Variants in DLG1 observed in about 807,000 individuals in gnomAD.
DLG1 encodes discs large MAGUK scaffold protein 1.
In DLG1, 42 loss-of-function variants were observed where a neutral mutation model predicts 123.4. The observed-to-expected ratio is 0.34, with a 90% CI of 0.27 to 0.44. The LOEUF (loss-of-function observed/expected upper bound fraction) is 0.44. Ranked by LOEUF, DLG1 falls within the 20% of genes least tolerant of loss-of-function variation. The pLI, the probability that DLG1 is intolerant of heterozygous loss-of-function variation, is 1.00. For synonymous variants in DLG1, 317 were observed against 356.2 expected (o/e 0.89, Z 1.24); for missense variants, 942 against 1,082.6 (o/e 0.87, Z 1.82).
intron 4 of DLG1, among the ~76,000 whole-genome samples, chr3:197,240,128 T>C (rs1163211767): frequency 6.6e-6 from 1 of 152,212 alleles, no homozygotes; most frequent in African/African-American, 2.4e-5. Flanking sequence ...GAGGCAAGAC[T>C]ACCATCTCCA....
intron 4 of DLG1, among the ~76,000 whole-genome samples, chr3:197,245,296 A>T (rs1420768712): frequency 5.3e-5 from 8 of 152,156 alleles, no homozygotes; most frequent in African/African-American, 1.9e-4. Context: ...TGAGTGTCTT[A>T]ACTACATTGT....
chr3:197,140,873 C>T (rs1031245122), intron 7 of DLG1, among the ~76,000 whole-genome samples: 1 of 152,176 alleles, frequency 6.6e-6, no homozygotes. Context: ...AAAGACCAAC[C>T]TGAGAACTTA....
chr3:197,295,866 C>T (rs1469285230), intron 3 of DLG1, among the ~76,000 whole-genome samples: 5 of 152,122 alleles, frequency 3.3e-5, no homozygotes, highest in African/African-American at 2.4e-5. Flanking sequence ...CTGTAAAATA[C>T]GGTTACTAGA....
At chr3:197,152,454 G>C (rs1577143277) in intron 5 of DLG1, among the ~76,000 whole-genome samples, 1 of 92,820 alleles carries the variant, frequency 1.1e-5, no homozygotes, top group Non-Finnish European at 1.9e-5. Flanking sequence ...ATGGAGTCTT[G>C]CTCTGTCACC....
chr3:197,297,315 C>T, intron 1 of DLG1, 80 bp from the exon 2 acceptor site: 1 of 1,555,738 alleles, frequency 6.4e-7, no homozygotes, highest in South Asian at 1.2e-5. Flanking sequence ...AGAAAACCCT[C>T]GCAGCCTATT....
At chr3:197,154,991 T>C (rs1290571506) in intron 5 of DLG1, among the ~76,000 whole-genome samples, 1 of 152,046 alleles carries the variant, frequency 6.6e-6, no homozygotes, top group Non-Finnish European at 1.5e-5. Context: ...GCATGAGAAA[T>C]GACAGATAAA....
chr3:197,220,502 G>T (rs74752290), intron 4 of DLG1, among the ~76,000 whole-genome samples: 5,589 of 152,148 alleles, frequency 0.037, 162 homozygotes, highest in Non-Finnish European at 0.05. Flanking sequence ...GTTCTAAATG[G>T]ATATAGGAGA....
At chr3:197,292,267 G>C (rs1322455383) in intron 3 of DLG1, among the ~76,000 whole-genome samples, 2 of 152,144 alleles carry the variant, frequency 1.3e-5, no homozygotes, top group Admixed American at 6.5e-5. Context: ...TACATACAAC[G>C]GAATATTATT....
chr3:197,235,294 A>C (rs1173739489), intron 4 of DLG1, among the ~76,000 whole-genome samples: 2 of 152,226 alleles, frequency 1.3e-5, no homozygotes, highest in Non-Finnish European at 2.9e-5. Context: ...TGCAAGGCAG[A>C]ATACTGGAAA....
At chr3:197,079,446 C>T (rs1259701745) in intron 17 of DLG1, among the ~76,000 whole-genome samples, 1 of 152,178 alleles carries the variant, frequency 6.6e-6, no homozygotes, top group Non-Finnish European at 1.5e-5. Flanking sequence ...TCACCCCACT[C>T]AGTATCATGC....
chr3:197,248,940 C>T (rs1253649085), intron 4 of DLG1, among the ~76,000 whole-genome samples: 1 of 152,108 alleles, frequency 6.6e-6, no homozygotes, highest in East Asian at 1.9e-4. Context: ...TATGATCACT[C>T]CACTGCACTC....
At chr3:197,293,755 C>T (rs1289294009) in intron 3 of DLG1, 1 of 153,892 alleles carries the variant, frequency 6.5e-6, no homozygotes, top group Non-Finnish European at 1.5e-5. Flanking sequence ...CTAGATAACT[C>T]ACTGCGGCCT....
At chr3:197,138,053 T>C (rs957385324) in intron 9 of DLG1, among the ~76,000 whole-genome samples, 169 bp downstream of exon 9, 3 of 151,670 alleles carry the variant, frequency 2.0e-5, no homozygotes, top group Non-Finnish European at 4.4e-5. Flanking sequence ...TATTCTAAAA[T>C]GCTACGTAAG....
At chr3:197,103,458 T>C (rs1764634680) in intron 14 of DLG1, among the ~76,000 whole-genome samples, 1 of 151,974 alleles carries the variant, frequency 6.6e-6, no homozygotes, top group Non-Finnish European at 1.5e-5. Context: ...ACCTACGGGG[T>C]GGAATATGTT....
At chr3:197,068,878 T>C (rs537581490) in intron 19 of DLG1, among the ~76,000 whole-genome samples, 25 of 152,288 alleles carry the variant, frequency 1.6e-4, no homozygotes, top group Admixed American at 7.2e-4. Flanking sequence ...AAAAATATTA[T>C]TTTAGTGCTC....
At chr3:197,199,176 T>G (rs1724278023) in intron 4 of DLG1, among the ~76,000 whole-genome samples, 4 of 152,182 alleles carry the variant, frequency 2.6e-5, no homozygotes, top group Admixed American at 1.3e-4. Context: ...CCAATGGGAA[T>G]CTCTTAAAGT....
intron 16 of DLG1, among the ~76,000 whole-genome samples, chr3:197,083,669 T>C (rs2149088789): frequency 6.6e-6 from 1 of 152,210 alleles, no homozygotes; most frequent in Non-Finnish European, 1.5e-5. Context: ...CTAAAATGAA[T>C]CATTAGGGCT....
At chr3:197,075,881 T>C (rs1432923960) in intron 18 of DLG1, 1 of 1,610,216 alleles carries the variant, frequency 6.2e-7, no homozygotes. Flanking sequence ...CTGTAGAGGG[T>C]AGTCCCCAGA....
In DLG1 at chr3:197,069,221, T is replaced by C. The variant is rs1578473987; in HGVS notation, c.2045A>G (p.Tyr682Cys). The C allele has an allele frequency of 6.3e-7, 1 of 1,589,008 alleles. No homozygotes were observed. The highest frequency in any genetic ancestry group is 8.6e-7 in the Non-Finnish European group (1 of 1,166,940). ...TSNASDSESSYRGQEEYVLSY... is the reference protein window; with the variant it reads ...TSNASDSESSCRGQEEYVLSY... ...AACAAGTAACTTAAAACACTTACGG[T>C]AACTACTTTCACTATCGCTGGCATT... The change falls in exon 19 of 25, where the codon TAC (tyrosine) becomes TGC (cysteine). Residue 682 changes from tyrosine (Y) to cysteine (C), a missense_variant and splice_region_variant. By Grantham distance (194) the Tyr-to-Cys change is radical. Coordinates refer to ENST00000667157, the MANE Select transcript of DLG1 (RefSeq NM_001366207.1).
Sources: gnomAD v4.1 joint callset for allele counts (sites outside exome capture counted in the v4.1 genomes callset) on GRCh38, gnomAD v4.1.1 for gene constraint, MANE v1.5 for transcripts, NCBI Gene and HGNC (gene_info 2026-07-23, HGNC 2026-07-21) for gene names.